The following SHTN1 variants were observed in gnomAD, a reference collection of about 807,000 sequenced individuals.
The protein encoded by SHTN1 is shootin 1.
A neutral mutation model predicts 83.1 loss-of-function variants in SHTN1; 42 were observed. The ratio of observed to expected loss-of-function variants is 0.51; its 90% CI spans 0.39 to 0.65. The LOEUF is 0.65. Among genes scored for constraint, SHTN1 ranks in the 30% least tolerant of loss-of-function variants. The pLI is 0.00. For synonymous variants in SHTN1, 224 were observed against 247.7 expected (o/e 0.90, Z 0.90); for missense variants, 622 against 737.8 (o/e 0.84, Z 1.82).
At chr10:116,954,911 GC>G (rs1272947011) in intron 4 of SHTN1, among the ~76,000 whole-genome samples, 1 of 151,976 alleles carries the variant, frequency 6.6e-6, no homozygotes, top group African/African-American at 2.4e-5. Context: ...GAAGAGAAAA[GC>G]AACAGAGAAA....
intron 2 of SHTN1, among the ~76,000 whole-genome samples, chr10:117,023,337 G>A (rs1157798257): frequency 3.3e-5 from 5 of 152,050 alleles, no homozygotes; most frequent in Non-Finnish European, 7.3e-5. Flanking sequence ...TTAGAATCTA[G>A]TCCCATCCCC....
intron 7 of SHTN1, 42 bp from the exon 8 acceptor site, chr10:116,945,060 A>T (rs754684913): frequency 3.4e-6 from 4 of 1,178,590 alleles, no homozygotes; most frequent in Non-Finnish European, 5.0e-6. Flanking sequence ...ACAATAAGTC[A>T]CACAAATAAT....
At position 116,884,486 on chromosome 10, in the gene SHTN1, A is replaced by G. The variant is rs1399398242; in HGVS notation, c.*1858T>C. 2 of 335,666 alleles carry G rather than the reference A, an allele frequency of 6.0e-6. No individual in the cohort carries two copies. The highest frequency in any genetic ancestry group is 1.2e-5 in the Non-Finnish European group (2 of 168,106). 20.8% of individuals were successfully genotyped at this position (335,666 alleles called of 1,614,324 possible). A position where few individuals can be genotyped will look rare whatever the true frequency, so the allele number is the denominator to read the frequency against. On this transcript the variant is annotated 3_prime_UTR_variant, in exon 17 of 17. Coordinates refer to ENST00000355371, the MANE Select transcript of SHTN1 (RefSeq NM_001127211.3). ...CTAGTCCAGCTAACACATTTCACCC[A>G]AAGGGCAACTTCTTACTCTAGAAAG...
intron 2 of SHTN1, among the ~76,000 whole-genome samples, chr10:116,973,267 A>T (rs1217104438): frequency 6.6e-6 from 1 of 152,210 alleles, no homozygotes; most frequent in Non-Finnish European, 1.5e-5. Flanking sequence ...TCTAACTTCC[A>T]CTAATATAAA....
Position 116,944,892 on chromosome 10 carries a change from GA to G in SHTN1, c.711+31del, listed in dbSNP as rs768182962. The G allele has an allele frequency of 1.5e-5, 21 of 1,421,050 alleles. No individual in the cohort carries two copies. The African/African-American group carries it at 1.7e-4, about 11-fold the overall frequency. The allele number at this position is 1,421,050 out of a possible 1,614,324, so 88.0% of individuals were successfully genotyped here. ...GTGACAGAGCGAGACTCTGTCTCAA[GA>G]AAAAAAATAAGATTTTTACAAGATA... On this transcript the variant is annotated intron_variant, in intron 8 of 16. Transcript: ENST00000355371.
At chr10:116,985,055 G>A (rs1170073585) in intron 1 of SHTN1, among the ~76,000 whole-genome samples, 1 of 152,114 alleles carries the variant, frequency 6.6e-6, no homozygotes. Context: ...AAAATCAGCA[G>A]GTTTATCTTA....
chr10:117,094,407 C>T (rs1227124120), intron 1 of SHTN1, among the ~76,000 whole-genome samples: 1 of 152,192 alleles, frequency 6.6e-6, no homozygotes, highest in African/African-American at 2.4e-5. Flanking sequence ...TTCACCTTCC[C>T]CAGTTTTCCC....
intron 1 of SHTN1, among the ~76,000 whole-genome samples, chr10:117,078,690 G>A (rs1173301840): frequency 6.6e-6 from 1 of 152,172 alleles, no homozygotes; most frequent in Non-Finnish European, 1.5e-5. Context: ...TAGGCAGGAG[G>A]AAAATCCTCC....
chr10:116,898,620 A>G (rs1847606556), intron 16 of SHTN1, among the ~76,000 whole-genome samples: 1 of 152,194 alleles, frequency 6.6e-6, no homozygotes, highest in East Asian at 1.9e-4. Context: ...ATTAGATGGT[A>G]TATACTTATT....
intron 1 of SHTN1, among the ~76,000 whole-genome samples, chr10:117,101,267 A>T (rs1352666246): frequency 1.3e-5 from 2 of 152,196 alleles, no homozygotes; most frequent in East Asian, 3.9e-4. Context: ...CCAAGCTTTG[A>T]TCAGCTCATC....
chr10:116,954,192 T>C lies in SHTN1; in HGVS notation c.286A>G (p.Thr96Ala). Residue 96 changes from threonine to alanine, a missense_variant, in exon 5 of 17, where the codon ACG becomes GCG. By Grantham distance (58) the Thr-to-Ala change is moderately conservative (BLOSUM62 0). Coordinates refer to ENST00000355371, the MANE Select transcript of SHTN1 (RefSeq NM_001127211.3). ...LATKLNKENK[T>A]LKRISMLYMA... ...TACAACATGCTGATTCTTTTCAACG[T>C]TTTATTTTCTTTATTTAGCTAAGAC... is the stretch of plus-strand genomic sequence containing the variant. 6.2e-7 allele frequency: 1 copy of C among 1,605,806 alleles called. No individual in the cohort carries two copies. Among genetic ancestry groups the C allele is most frequent in the Non-Finnish European group, 8.5e-7 (1 of 1,176,852 alleles).
intron 1 of SHTN1, among the ~76,000 whole-genome samples, chr10:117,051,956 G>A (rs1389647587): frequency 8.5e-6 from 1 of 117,716 alleles, no homozygotes; most frequent in Non-Finnish European, 1.7e-5. Flanking sequence ...ATCCAAATTG[G>A]AAAGGCAGAA....
At chr10:116,919,225 C>A (rs1848472002) in intron 12 of SHTN1, among the ~76,000 whole-genome samples, 1 of 152,176 alleles carries the variant, frequency 6.6e-6, no homozygotes, top group African/African-American at 2.4e-5. Context: ...TTTGTTCACT[C>A]AACAACTATT....
At chr10:117,068,970 T>C (rs1853042810) in intron 1 of SHTN1, among the ~76,000 whole-genome samples, 1 of 152,008 alleles carries the variant, frequency 6.6e-6, no homozygotes, top group Non-Finnish European at 1.5e-5. Flanking sequence ...GAGAAATGGA[T>C]AAACTTGCTC....
intron 16 of SHTN1, among the ~76,000 whole-genome samples, chr10:116,890,523 T>C (rs1008739587): frequency 3.9e-5 from 6 of 152,248 alleles, no homozygotes; most frequent in Non-Finnish European, 7.3e-5. Context: ...TTGTCATTTA[T>C]GATCCATTCA....
chr10:116,888,055 A>G (rs1329625322), intron 16 of SHTN1, among the ~76,000 whole-genome samples: 3 of 152,216 alleles, frequency 2.0e-5, no homozygotes, highest in Admixed American at 6.5e-5. Context: ...CTACTGGGTT[A>G]TATTACCTAT....
At chr10:116,978,380 A>G (rs1267227900) in intron 2 of SHTN1, among the ~76,000 whole-genome samples, 1 of 152,186 alleles carries the variant, frequency 6.6e-6, no homozygotes, top group Non-Finnish European at 1.5e-5. Flanking sequence ...TTCTTCTTTA[A>G]TATCTACAAA....
At chr10:117,097,639 T>C (rs1241218336) in intron 1 of SHTN1, among the ~76,000 whole-genome samples, 1 of 152,222 alleles carries the variant, frequency 6.6e-6, no homozygotes, top group Non-Finnish European at 1.5e-5. Context: ...ATGAAGGTTA[T>C]AGGTTACTAA....
chr10:116,998,959 T>C (rs1851730616), intron 1 of SHTN1, among the ~76,000 whole-genome samples: 1 of 152,080 alleles, frequency 6.6e-6, no homozygotes, highest in Non-Finnish European at 1.5e-5. Context: ...TAAACATGAG[T>C]TCACACTGAT....
Sources: allele counts gnomAD v4.1 joint callset (sites outside exome capture counted in the v4.1 genomes callset), GRCh38; gene constraint gnomAD v4.1.1; transcripts MANE v1.5; gene names NCBI Gene and HGNC (gene_info 2026-07-23, HGNC 2026-07-21).